PIK3C2G: variants seen among roughly 807,000 people sequenced by gnomAD.
PIK3C2G encodes the protein phosphatidylinositol-4-phosphate 3-kinase catalytic subunit type 2 gamma, also known as phosphatidylinositol 3-kinase C2 domain-containing subunit gamma.
Under a neutral mutation model 181.1 loss-of-function variants are expected in PIK3C2G, and 168 were observed. The observed-to-expected ratio is 0.93, with a 90% CI of 0.82 to 1.05. PIK3C2G has a LOEUF of 1.05. Ranked by LOEUF, PIK3C2G falls within the 50% of genes least tolerant of loss-of-function variation. The pLI is 0.00. For synonymous variants in PIK3C2G, 573 were observed against 592.2 expected (o/e 0.97, Z 0.47); for missense variants, 1,869 against 1,732.8 (o/e 1.08, Z -1.40).
chr12:18,257,858 AAAG>A (rs966293817), upstream of PIK3C2G, among the ~76,000 whole-genome samples: 108 of 152,052 alleles, frequency 7.1e-4, no homozygotes, highest in African/African-American at 2.6e-3. Context: ...AGAAAGAAAG[AAAG>A]AAGATAGAAA....
intron 30 of PIK3C2G, among the ~76,000 whole-genome samples, chr12:18,606,868 A>T (rs1948051844): frequency 6.6e-6 from 1 of 152,146 alleles, no homozygotes; most frequent in Admixed American, 6.6e-5. Context: ...TGGGAAGTAA[A>T]CAATAAATTT....
intron 2 of PIK3C2G, among the ~76,000 whole-genome samples, chr12:18,284,997 A>T (rs1291593398): frequency 6.6e-6 from 1 of 152,162 alleles, no homozygotes; most frequent in African/African-American, 2.4e-5. Context: ...TTTGATAGAA[A>T]ATATCAAATT....
intron 26 of PIK3C2G, among the ~76,000 whole-genome samples, chr12:18,554,641 AT>A (rs1319099585): frequency 1.3e-5 from 2 of 152,030 alleles, no homozygotes; most frequent in Admixed American, 1.3e-4. Context: ...GGAATAGTAA[AT>A]TTTTTTGCTT....
chr12:18,289,537 C>G (rs1446744802), intron 3 of PIK3C2G, among the ~76,000 whole-genome samples: 1 of 152,148 alleles, frequency 6.6e-6, no homozygotes, highest in Non-Finnish European at 1.5e-5. Context: ...TGAAGAGTGG[C>G]CCATGTCCTT....
intron 1 of PIK3C2G, among the ~76,000 whole-genome samples, chr12:18,263,880 C>T (rs1239106372): frequency 1.3e-5 from 2 of 152,058 alleles, no homozygotes; most frequent in African/African-American, 2.4e-5. Context: ...AGACAATTCA[C>T]ATTTATGTGT....
At chr12:18,556,045 C>T (rs1944993127) in intron 26 of PIK3C2G, among the ~76,000 whole-genome samples, 1 of 152,142 alleles carries the variant, frequency 6.6e-6, no homozygotes, top group Admixed American at 6.6e-5. Context: ...AATTTGGTTT[C>T]TCTTCTTTAC....
At chr12:18,668,359 C>T in the PIK3C2G span, among the ~76,000 whole-genome samples, 1 of 152,182 alleles carries the variant, frequency 6.6e-6, no homozygotes, top group African/African-American at 2.4e-5. Context: ...TACCAGTTTA[C>T]TAATTCCCTT....
At chr12:18,644,084 GAC>G (rs1252424793) in intron 32 of PIK3C2G, among the ~76,000 whole-genome samples, 4 of 152,220 alleles carry the variant, frequency 2.6e-5, no homozygotes, top group Non-Finnish European at 1.5e-5. Context: ...ACAGAAAAGT[GAC>G]AGAGTCTCCA....
chr12:18,679,575 A>T, the PIK3C2G span, among the ~76,000 whole-genome samples: 1 of 151,972 alleles, frequency 6.6e-6, no homozygotes, highest in Non-Finnish European at 1.5e-5. Flanking sequence ...ATGCCTGTAA[A>T]CATTGCCTCA....
chr12:18,686,543 T>C, the PIK3C2G span, among the ~76,000 whole-genome samples: 1 of 151,910 alleles, frequency 6.6e-6, no homozygotes, highest in Non-Finnish European at 1.5e-5. Flanking sequence ...TAAATTGTAT[T>C]TTCTTCATAT....
chr12:18,339,681 A>G (rs1591998544), intron 9 of PIK3C2G, among the ~76,000 whole-genome samples: 1 of 152,160 alleles, frequency 6.6e-6, no homozygotes, highest in South Asian at 2.1e-4. Context: ...TTTCAAATAG[A>G]TAAGTGGGTA....
chr12:18,644,264 A>G (rs1950000595), intron 32 of PIK3C2G, among the ~76,000 whole-genome samples: 1 of 152,086 alleles, frequency 6.6e-6, no homozygotes. Flanking sequence ...TGGGGGTGTG[A>G]GTGCTCAGGG....
intron 26 of PIK3C2G, among the ~76,000 whole-genome samples, chr12:18,559,811 TATATATATATAGAGAGAGAGAG>T (rs1265167497): frequency 4.6e-4 from 15 of 32,554 alleles, no homozygotes; most frequent in South Asian, 3.7e-3. Context: ...TATATATATA[TATATATATATAGAGAGAGAGAG>T]AGAGAGAGAG....
the PIK3C2G span, among the ~76,000 whole-genome samples, chr12:18,692,148 C>T: frequency 2.0e-5 from 3 of 152,164 alleles, no homozygotes; most frequent in South Asian, 2.1e-4. Flanking sequence ...CGCTCAGCAG[C>T]TGGCAGAGCT....
chr12:18,391,296 A>C (rs780602689), intron 15 of PIK3C2G, 44 bp downstream of exon 15: 7 of 1,459,174 alleles, frequency 4.8e-6, no homozygotes, highest in Middle Eastern at 1.8e-4. Flanking sequence ...CCTGCTGTTT[A>C]TGATTTCCTC....
At chr12:18,357,411 G>A (rs1000357769) in intron 11 of PIK3C2G, among the ~76,000 whole-genome samples, 19 of 152,098 alleles carry the variant, frequency 1.2e-4, no homozygotes, top group African/African-American at 2.4e-4. Context: ...GAACTGCTGC[G>A]AAATATTAGC....
At position 18,648,235 on chromosome 12, in the gene PIK3C2G, G is replaced by C. The variant is rs1950258839; in HGVS notation, c.*207G>C. 3.2e-6 allele frequency: 1 copy of C among 315,616 alleles called. No individual in the cohort carries two copies. Among genetic ancestry groups the C allele is most frequent in the Middle Eastern group, 8.8e-4 (1 of 1,134 alleles). 19.6% of individuals were successfully genotyped at this position (315,616 alleles called of 1,614,324 possible). A position where few individuals can be genotyped will look rare whatever the true frequency, so the allele number is the denominator to read the frequency against. On this transcript the variant is annotated 3_prime_UTR_variant, in exon 33 of 33. Coordinates refer to ENST00000538779, the MANE Select transcript of PIK3C2G (RefSeq NM_001288772.2). ...TTTCATAATCTTTTCTCCTTCAGTGGAGTACTGATTGCATGAAATTTGATG... is the reference window on the plus strand; with the variant it reads ...TTTCATAATCTTTTCTCCTTCAGTGCAGTACTGATTGCATGAAATTTGATG...
chr12:18,327,466 G>A (rs2137514099), intron 8 of PIK3C2G, among the ~76,000 whole-genome samples: 1 of 152,026 alleles, frequency 6.6e-6, no homozygotes, highest in East Asian at 1.9e-4. Flanking sequence ...TGAATAATAT[G>A]AATATTTTAA....
chr12:18,399,555 T>A (rs904174302), intron 15 of PIK3C2G, 104 bp from the exon 16 acceptor site: 3 of 560,260 alleles, frequency 5.4e-6, no homozygotes, highest in Non-Finnish European at 8.9e-6. Context: ...TAAACTAAAA[T>A]AAAATTCAAA....
Sources: allele counts gnomAD v4.1 joint callset (sites outside exome capture counted in the v4.1 genomes callset), GRCh38; gene constraint gnomAD v4.1.1; transcripts MANE v1.5; gene names NCBI Gene and HGNC (gene_info 2026-07-23, HGNC 2026-07-21).